The following CYP3A7 variants were observed in gnomAD, a reference collection of about 807,000 sequenced individuals.
The protein encoded by CYP3A7 is cytochrome P450 3A7.
CYP3A7 carries 45 observed loss-of-function variants against 55.2 expected under a neutral mutation model. That is an observed-to-expected ratio of 0.82 (90% CI 0.64 to 1.05). The LOEUF (loss-of-function observed/expected upper bound fraction) is 1.05. Ranked by LOEUF, CYP3A7 falls within the 50% of genes least tolerant of loss-of-function variation. The probability of loss-of-function intolerance (pLI) is 0.00; values close to 1 mark genes in which losing one functional copy is unlikely to be tolerated. For synonymous variants in CYP3A7, 180 were observed against 207.4 expected, an observed-to-expected ratio of 0.87 and a Z score of 1.13; for missense variants, 548 against 605.3, an observed-to-expected ratio of 0.91 and a Z score of 0.99.
intron 3 of CYP3A7, chr7:99,721,050 C>T (rs1814178991): frequency 6.5e-6 from 1 of 153,130 alleles, no homozygotes; most frequent in Non-Finnish European, 1.5e-5. Flanking sequence ...CACACCACTG[C>T]ACCTCTTCCA....
chr7:99,717,460 C>T, intron 5 of CYP3A7, 66 bp downstream of exon 5: 1 of 1,601,612 alleles, frequency 6.2e-7, no homozygotes, highest in Non-Finnish European at 8.5e-7. Context: ...TCTGATCTTA[C>T]TTTCTACCTG....
chr7:99,716,613 T>C (rs1813958504), intron 6 of CYP3A7, among the ~76,000 whole-genome samples: 1 of 152,210 alleles, frequency 6.6e-6, no homozygotes, highest in Admixed American at 6.5e-5. Flanking sequence ...ACACCTGTTG[T>C]TCCTGCATAA....
In CYP3A7 at chr7:99,714,594, T is replaced by C; in HGVS notation, c.759A>G (p.Val253=). The C allele has an allele frequency of 1.9e-6, 3 of 1,613,372 alleles. No individual in the cohort carries two copies. Among genetic ancestry groups the C allele is most frequent in the Non-Finnish European group, 2.5e-6 (3 of 1,179,616 alleles). Residue 253 remains valine, a synonymous_variant, in exon 8 of 13, where the codon GTA becomes GTG. Coordinates refer to ENST00000336374, the MANE Select transcript of CYP3A7 (RefSeq NM_000765.5). ...RKVISFLTKS[V]KQIKEGRLKE... is the part of the protein sequence containing the mutation. ...TGAGGCGACCTTCTTTTATCTGTTT[T>C]ACAGATTTTGTTAGAAAACTTATAA... is the stretch of plus-strand genomic sequence containing the variant.
At position 99,717,220 on chromosome 7, in the gene CYP3A7, G is replaced by T; in HGVS notation, c.478C>A (p.Leu160Met). 6.2e-7 allele frequency: 1 copy of T among 1,613,886 alleles called. No individual in the cohort carries two copies. The highest frequency in any genetic ancestry group is 1.1e-5 in the South Asian group (1 of 91,084). ...AQYGDVLVRN[L>M]RREAETGKPV... is the part of the protein sequence containing the mutation. ...TTGCCTGTCTCTGCTTCCCGCCTCA[G>T]ATTTCTCACCAACACATCTCCATAC... The change falls in exon 6 of 13, where the codon CTG becomes ATG. Residue 160 changes from leucine to methionine, a missense_variant. Coordinates refer to ENST00000336374, the MANE Select transcript of CYP3A7 (RefSeq NM_000765.5).
intron 4 of CYP3A7, among the ~76,000 whole-genome samples, chr7:99,718,690 C>T (rs1584514560): frequency 6.6e-6 from 1 of 152,036 alleles, no homozygotes; most frequent in African/African-American, 2.4e-5. Context: ...AAAAGGCATA[C>T]AGATTGGAAA....
Position 99,735,147 on chromosome 7 carries a change from T to A in CYP3A7, c.-54A>T. ...CTGAGTCTTTTTTTCAGCAGCGTGCTGCTGTTTGCTGGGCTGTGTGTGTGG... is the reference window on the plus strand; with the variant it reads ...CTGAGTCTTTTTTTCAGCAGCGTGCAGCTGTTTGCTGGGCTGTGTGTGTGG... On this transcript the variant is annotated 5_prime_UTR_variant, in exon 1 of 13. Coordinates refer to ENST00000336374, the MANE Select transcript of CYP3A7 (RefSeq NM_000765.5). 6.2e-7 allele frequency: 1 copy of A among 1,609,336 alleles called. No individual in the cohort carries two copies.
intron 9 of CYP3A7, among the ~76,000 whole-genome samples, chr7:99,711,334 A>G (rs1312190208): frequency 1.3e-5 from 2 of 152,236 alleles, no homozygotes; most frequent in Admixed American, 6.5e-5. Context: ...AATTTGCAAC[A>G]TTAATGGCTA....
chr7:99,712,060 T>G (rs1813767577), intron 9 of CYP3A7, among the ~76,000 whole-genome samples: 1 of 152,184 alleles, frequency 6.6e-6, no homozygotes, highest in African/African-American at 2.4e-5. Flanking sequence ...TATAAGCTCT[T>G]GTGATTGCAA....
At chr7:99,707,681 T>C in intron 12 of CYP3A7, 131 bp downstream of exon 12, 1 of 1,439,964 alleles carries the variant, frequency 6.9e-7, no homozygotes, top group Non-Finnish European at 9.5e-7. Context: ...CATAGATGGG[T>C]CCAAATAGAT....
chr7:99,724,156 C>T (rs1023647043), intron 2 of CYP3A7, among the ~76,000 whole-genome samples: 1 of 152,164 alleles, frequency 6.6e-6, no homozygotes, highest in African/African-American at 2.4e-5. Flanking sequence ...TATGGGCAAC[C>T]TTCCAGCCTC....
chr7:99,709,073 TG>T lies in CYP3A7; in HGVS notation c.1214del (p.Pro405GlnfsTer23). 6.2e-7 allele frequency: 1 copy of T among 1,614,002 alleles called. No individual in the cohort carries two copies. Among genetic ancestry groups the T allele is most frequent in the Non-Finnish European group, 8.5e-7 (1 of 1,179,930 alleles). On this transcript the variant is annotated frameshift_variant, in exon 11 of 13. Transcript: ENST00000336374. LOFTEE classifies it high-confidence loss of function. ...MIPSYVLHHD[P>X]KYWTEPEKFL... ...ACTTCTCAGGCTCTGTCCAGTACTT[TG>T]GGTCATGATGAAGAACATAGCTTGG...
At chr7:99,719,812 A>G (rs934930367) in intron 4 of CYP3A7, among the ~76,000 whole-genome samples, 5 of 152,162 alleles carry the variant, frequency 3.3e-5, no homozygotes, top group African/African-American at 9.6e-5. Context: ...AGCCTGGCCA[A>G]TAAGGTGAAA....
At chr7:99,729,915 T>C (rs2151533350) in intron 2 of CYP3A7, among the ~76,000 whole-genome samples, 1 of 152,314 alleles carries the variant, frequency 6.6e-6, no homozygotes, top group East Asian at 1.9e-4. Flanking sequence ...GGTGGTCTCC[T>C]CACACGGACG....
chr7:99,709,405 T>C, intron 10 of CYP3A7, 144 bp from the exon 11 acceptor site: 4 of 1,320,554 alleles, frequency 3.0e-6, no homozygotes, highest in Non-Finnish European at 4.2e-6. Flanking sequence ...AGTATTTTAA[T>C]AACTGTCATG....
At chr7:99,709,395 A>G in intron 10 of CYP3A7, 134 bp from the exon 11 acceptor site, 3 of 1,378,442 alleles carry the variant, frequency 2.2e-6, no homozygotes, top group Non-Finnish European at 2.0e-6. Context: ...GCATTCATAA[A>G]GTATTTTAAT....
chr7:99,734,954 G>A (rs1260439121), intron 1 of CYP3A7, 69 bp downstream of exon 1: 7 of 1,608,416 alleles, frequency 4.4e-6, no homozygotes, highest in Non-Finnish European at 4.3e-6. Context: ...AACAGATAAG[G>A]GAAAGAGAGG....
intron 10 of CYP3A7, among the ~76,000 whole-genome samples, chr7:99,710,340 C>T (rs45613141): frequency 0.017 from 2,552 of 152,300 alleles, 64 homozygotes; most frequent in African/African-American, 0.056. Context: ...GCTGAGTCAA[C>T]CTGCACAGCG....
rs759167195 is a variant in CYP3A7, at chr7:99,713,586, G to T, written c.799-51C>A. 2.5e-6 allele frequency: 4 copies of T among 1,611,608 alleles called. No individual in the cohort carries two copies. In the South Asian group the frequency reaches 4.4e-5, roughly 18 times the overall value. Reference sequence around the variant, plus strand: ...TGACAGAAAGTGACTCGTGAAGTCAGAAGTTAATCAGAAGTGCAGTCCTCA... The same window carrying T: ...TGACAGAAAGTGACTCGTGAAGTCATAAGTTAATCAGAAGTGCAGTCCTCA... On this transcript the variant is annotated intron_variant, in intron 8 of 12. Transcript: ENST00000336374.
chr7:99,709,350 TTCCAGAGAACAAC>T (rs1813656837), intron 10 of CYP3A7, 89 bp from the exon 11 acceptor site: 1 of 1,543,010 alleles, frequency 6.5e-7, no homozygotes. Flanking sequence ...CTGTTAGAAG[TTCCAGAGAACAAC>T]TCATACTGGC....
Sources: allele counts gnomAD v4.1 joint callset (sites outside exome capture counted in the v4.1 genomes callset), GRCh38; gene constraint gnomAD v4.1.1; transcripts MANE v1.5; gene names NCBI Gene and HGNC (gene_info 2026-07-23, HGNC 2026-07-21).